SLC39A12: variants seen among roughly 807,000 people sequenced by gnomAD.
SLC39A12 encodes solute carrier family 39 member 12.
SLC39A12 carries 63 observed loss-of-function variants against 71.1 expected under a neutral mutation model. The ratio of observed to expected loss-of-function variants is 0.89; its 90% CI spans 0.72 to 1.09. SLC39A12 has a LOEUF of 1.09. Ranked by LOEUF, SLC39A12 falls within the 50% of genes least tolerant of loss-of-function variation. The probability of loss-of-function intolerance (pLI) is 0.00; values close to 1 mark genes in which losing one functional copy is unlikely to be tolerated. For missense variants in SLC39A12, 892 were observed against 812.6 expected, an observed-to-expected ratio of 1.10 and a Z score of -1.19; for synonymous variants, 351 against 301.3, an observed-to-expected ratio of 1.16 and a Z score of -1.71.
intron 1 of SLC39A12, 150 bp downstream of exon 1, chr10:17,952,175 C>G (rs1409594603): frequency 2.0e-5 from 3 of 152,210 alleles, no homozygotes; most frequent in African/African-American, 7.2e-5. Context: ...CAGCTCATCT[C>G]TGGGCCAGGA....
intron 12 of SLC39A12, among the ~76,000 whole-genome samples, chr10:18,020,779 T>C (rs1267313254): frequency 2.0e-5 from 3 of 152,316 alleles, no homozygotes; most frequent in Non-Finnish European, 4.4e-5. Context: ...TTTTGAGACA[T>C]GTCTGTTCCT....
chr10:18,026,364 A>G (rs913278884), intron 12 of SLC39A12, among the ~76,000 whole-genome samples: 2 of 152,108 alleles, frequency 1.3e-5, no homozygotes, highest in Non-Finnish European at 2.9e-5. Flanking sequence ...TTAACACTTT[A>G]AATATTTTAG....
At chr10:18,036,784 A>ATTTTTTTTTTTTTTTTT (rs1277319900) in intron 12 of SLC39A12, among the ~76,000 whole-genome samples, 1 of 7,682 alleles carries the variant, frequency 1.3e-4, no homozygotes, top group Non-Finnish European at 3.0e-4. Flanking sequence ...ATATATATAT[A>ATTTTTTTTTTTTTTTTT]TATATATATA....
chr10:18,026,123 T>C (rs1202858327), intron 12 of SLC39A12, among the ~76,000 whole-genome samples: 2 of 152,208 alleles, frequency 1.3e-5, no homozygotes, highest in African/African-American at 4.8e-5. Context: ...GGTTTTTATT[T>C]ACCTTCCCTT....
chr10:18,022,220 C>G (rs1836552170), intron 12 of SLC39A12, among the ~76,000 whole-genome samples: 2 of 152,102 alleles, frequency 1.3e-5, no homozygotes, highest in Admixed American at 1.3e-4. Context: ...AATATGTTTT[C>G]CAATTTGCTT....
At chr10:17,964,345 C>T (rs915793681) in intron 3 of SLC39A12, among the ~76,000 whole-genome samples, 3 of 152,194 alleles carry the variant, frequency 2.0e-5, no homozygotes, top group African/African-American at 7.2e-5. Context: ...TAAATATGTT[C>T]CTGCCAAGCT....
chr10:18,038,887 G>A (rs1431919861), intron 12 of SLC39A12, among the ~76,000 whole-genome samples: 1 of 152,126 alleles, frequency 6.6e-6, no homozygotes, highest in East Asian at 1.9e-4. Flanking sequence ...TCAAAAGTGA[G>A]CTTTCCAAAA....
intron 4 of SLC39A12, among the ~76,000 whole-genome samples, chr10:17,967,914 T>C (rs557078630): frequency 6.8e-6 from 1 of 147,704 alleles, no homozygotes; most frequent in East Asian, 2.0e-4. Context: ...TATATATATA[T>C]ATATTTATTT....
chr10:18,005,879 C>T (rs976840020), intron 12 of SLC39A12: 14 of 152,144 alleles, frequency 9.2e-5, no homozygotes, highest in Admixed American at 2.0e-4. Flanking sequence ...GTGAGTTTCC[C>T]GGGGCTACTT....
chr10:18,017,229 C>T (rs546022948), intron 12 of SLC39A12, among the ~76,000 whole-genome samples: 7 of 152,236 alleles, frequency 4.6e-5, no homozygotes, highest in African/African-American at 1.7e-4. Flanking sequence ...CCTAAGGTCA[C>T]CTAGATTTCT....
intron 12 of SLC39A12, among the ~76,000 whole-genome samples, chr10:18,041,861 A>ACATATGTATACGTATATATATGTACATT (rs1837263734): frequency 6.7e-6 from 1 of 148,456 alleles, no homozygotes; most frequent in Admixed American, 6.8e-5. Context: ...ATATGTACAT[A>ACATATGTATACGTATATATATGTACATT]CATATGTATA....
chr10:17,997,304 A>G (rs1342827350), intron 10 of SLC39A12, among the ~76,000 whole-genome samples: 2 of 152,228 alleles, frequency 1.3e-5, no homozygotes, highest in Non-Finnish European at 2.9e-5. Context: ...AAACACCATT[A>G]TAACAACTAC....
At chr10:18,003,775 T>C (rs1426488484) in intron 12 of SLC39A12, among the ~76,000 whole-genome samples, 1 of 152,240 alleles carries the variant, frequency 6.6e-6, no homozygotes, top group Non-Finnish European at 1.5e-5. Flanking sequence ...ATTTATACAA[T>C]GCGAAAGTTC....
intron 4 of SLC39A12, among the ~76,000 whole-genome samples, chr10:17,973,726 A>T (rs1289918753): frequency 6.6e-6 from 1 of 151,982 alleles, no homozygotes; most frequent in East Asian, 1.9e-4. Flanking sequence ...CTTTGGGTCA[A>T]ATCTGCTTGG....
At chr10:17,992,088 C>CAAAAA (rs59014549) in intron 8 of SLC39A12, among the ~76,000 whole-genome samples, 34 of 87,176 alleles carry the variant, frequency 3.9e-4, no homozygotes, top group African/African-American at 4.6e-4. Context: ...GACTCCATCT[C>CAAAAA]AAAAAAAAAA....
chr10:17,957,032 T>G (rs561458598), intron 2 of SLC39A12, among the ~76,000 whole-genome samples: 3 of 152,256 alleles, frequency 2.0e-5, no homozygotes, highest in African/African-American at 7.2e-5. Context: ...AAAAAACACC[T>G]TATAGAAACC....
At chr10:17,995,596 T>A (rs1835662510) in intron 9 of SLC39A12, 60 bp from the exon 10 acceptor site, 6 of 1,510,498 alleles carry the variant, frequency 4.0e-6, no homozygotes, top group Non-Finnish European at 5.5e-6. Flanking sequence ...GATGTTTCAT[T>A]TTTCAACAAA....
intron 4 of SLC39A12, among the ~76,000 whole-genome samples, chr10:17,971,021 A>G (rs918695399): frequency 1.3e-5 from 2 of 152,050 alleles, no homozygotes; most frequent in African/African-American, 4.8e-5. Context: ...AGGATGTTGA[A>G]TTTCATCAAA....
At chr10:18,012,739 C>A (rs977532502) in intron 12 of SLC39A12, among the ~76,000 whole-genome samples, 2 of 151,908 alleles carry the variant, frequency 1.3e-5, no homozygotes, top group African/African-American at 4.8e-5. Flanking sequence ...TGGTGGCGCA[C>A]ACCTGTAGTC....
Sources: gnomAD v4.1 joint callset for allele counts (sites outside exome capture counted in the v4.1 genomes callset) on GRCh38, gnomAD v4.1.1 for gene constraint, MANE v1.5 for transcripts, NCBI Gene and HGNC (gene_info 2026-07-23, HGNC 2026-07-21) for gene names.